The following PDE10A variants were observed in gnomAD, a reference collection of about 807,000 sequenced individuals.
PDE10A encodes the protein cAMP and cAMP-inhibited cGMP 3',5'-cyclic phosphodiesterase 10A.
PDE10A carries 39 observed loss-of-function variants against 97.7 expected under a neutral mutation model. That is an observed-to-expected ratio of 0.40 (90% confidence interval 0.31 to 0.52). The LOEUF (loss-of-function observed/expected upper bound fraction) is 0.52. Among genes scored for constraint, PDE10A ranks in the 20% least tolerant of loss-of-function variants. The pLI, the probability that PDE10A is intolerant of heterozygous loss-of-function variation, is 0.56. For missense variants in PDE10A, 731 were observed against 1,047.8 expected, an observed-to-expected ratio of 0.70 and a Z score of 4.17; for synonymous variants, 371 against 376.8, an observed-to-expected ratio of 0.98 and a Z score of 0.18.
At chr6:165,731,506 C>G (rs1312465938) in intron 1 of PDE10A, among the ~76,000 whole-genome samples, 3 of 152,180 alleles carry the variant, frequency 2.0e-5, no homozygotes, top group Admixed American at 2.0e-4. Flanking sequence ...ACGAGAGGTG[C>G]ATCTGCGGCT....
At chr6:165,488,692 G>A (rs1264427910) in intron 2 of PDE10A, among the ~76,000 whole-genome samples, 1 of 152,054 alleles carries the variant, frequency 6.6e-6, no homozygotes, top group Non-Finnish European at 1.5e-5. Flanking sequence ...CTTGTACCCT[G>A]GGGCAAGTTC....
At chr6:165,481,357 A>G (rs2128280569) in intron 3 of PDE10A, among the ~76,000 whole-genome samples, 1 of 152,300 alleles carries the variant, frequency 6.6e-6, no homozygotes, top group Middle Eastern at 3.4e-3. Flanking sequence ...AGAGACCTCA[A>G]GAGAATCCTA....
At chr6:165,637,182 G>A (rs1295862540) in intron 1 of PDE10A, among the ~76,000 whole-genome samples, 1 of 152,162 alleles carries the variant, frequency 6.6e-6, no homozygotes. Flanking sequence ...ATGGGACCAG[G>A]ATTTGCAGCT....
At position 165,567,245 on chromosome 6, in the gene PDE10A, C is replaced by G. The variant is rs548353725; in HGVS notation, c.866-23677G>C. Among the ~76,000 whole-genome samples the G allele has an allele frequency of 1.1e-4, 17 of 152,296 alleles. No individual in the cohort carries two copies. The East Asian group carries it at 3.3e-3, about 29-fold the overall frequency. ...TTTATTTAAAGTTGGAAAAATGTCA[C>G]TATCTGTAAGAAGTCAGAAAAGTGT... On this transcript the variant is annotated intron_variant, in intron 1 of 21. Transcript: ENST00000539869.
At chr6:165,729,802 C>G (rs1026909819) in intron 1 of PDE10A, among the ~76,000 whole-genome samples, 1 of 152,064 alleles carries the variant, frequency 6.6e-6, no homozygotes, top group Non-Finnish European at 1.5e-5. Flanking sequence ...AAAATCCAAC[C>G]CAGATTATTT....
intron 1 of PDE10A, among the ~76,000 whole-genome samples, chr6:165,766,948 AC>A (rs1358769874): frequency 6.6e-6 from 1 of 152,252 alleles, no homozygotes; most frequent in African/African-American, 2.4e-5. Context: ...AGAGAGGCTA[AC>A]TACTTGAGTC....
At chr6:165,979,911 A>T (rs1373541281) in intron 1 of PDE10A, among the ~76,000 whole-genome samples, 1 of 152,242 alleles carries the variant, frequency 6.6e-6, no homozygotes. Flanking sequence ...AATAATACAC[A>T]TTTTAAAATA....
chr6:165,740,604 A>G (rs998496186), intron 1 of PDE10A, among the ~76,000 whole-genome samples: 2 of 152,150 alleles, frequency 1.3e-5, no homozygotes, highest in African/African-American at 2.4e-5. Flanking sequence ...AAGTGCTGGG[A>G]TTACAAGTGT....
At chr6:165,691,104 T>TCCCC (rs1164864284) in intron 1 of PDE10A, among the ~76,000 whole-genome samples, 9 of 30,070 alleles carry the variant, frequency 3.0e-4, no homozygotes, top group African/African-American at 1.0e-3. Context: ...TCTCTTTCTC[T>TCCCC]CTCCCCCCCC....
At chr6:165,981,706 G>A (rs372922609) in intron 1 of PDE10A, among the ~76,000 whole-genome samples, 5 of 152,152 alleles carry the variant, frequency 3.3e-5, no homozygotes, top group East Asian at 1.9e-4. Flanking sequence ...ATGTCTAAAC[G>A]ATAACCACCT....
intron 1 of PDE10A, among the ~76,000 whole-genome samples, chr6:165,931,016 C>G (rs555948168): frequency 2.0e-5 from 3 of 152,216 alleles, no homozygotes; most frequent in African/African-American, 4.8e-5. Flanking sequence ...CTGTTAGGAA[C>G]CTTCTCATGC....
At chr6:165,463,123 T>C (rs1393549356) in intron 3 of PDE10A, among the ~76,000 whole-genome samples, 1 of 152,194 alleles carries the variant, frequency 6.6e-6, no homozygotes, top group East Asian at 1.9e-4. Context: ...CCTCTCAGTC[T>C]GCGAGCCACA....
chr6:165,898,825 G>A (rs546034693), intron 1 of PDE10A, among the ~76,000 whole-genome samples: 3 of 152,210 alleles, frequency 2.0e-5, no homozygotes, highest in East Asian at 1.9e-4. Context: ...CCATCCCAGC[G>A]CACTGCCTTC....
intron 1 of PDE10A, among the ~76,000 whole-genome samples, chr6:165,744,582 A>C (rs908059484): frequency 1.0e-3 from 155 of 152,090 alleles, no homozygotes; most frequent in African/African-American, 3.3e-3. Context: ...TTTTTTTCAT[A>C]AATTTGAAGG....
chr6:165,473,917 T>C (rs1323925640), intron 3 of PDE10A, among the ~76,000 whole-genome samples: 2 of 152,228 alleles, frequency 1.3e-5, no homozygotes, highest in African/African-American at 4.8e-5. Context: ...TCAGGTACTC[T>C]TAATTTTCAA....
At chr6:165,623,516 A>AAT (rs398003305) in intron 1 of PDE10A, among the ~76,000 whole-genome samples, 5 of 152,060 alleles carry the variant, frequency 3.3e-5, no homozygotes, top group African/African-American at 1.2e-4. Context: ...GAGAAAAAAA[A>AAT]CAGATAAACC....
At chr6:165,403,974 T>C (rs145549593) in intron 13 of PDE10A, among the ~76,000 whole-genome samples, 1 of 152,304 alleles carries the variant, frequency 6.6e-6, no homozygotes, top group African/African-American at 2.4e-5. Flanking sequence ...AAAAATACAG[T>C]TGGATAAAAG....
intron 1 of PDE10A, among the ~76,000 whole-genome samples, chr6:165,842,660 A>G (rs1351558231): frequency 6.6e-6 from 1 of 152,232 alleles, no homozygotes; most frequent in African/African-American, 2.4e-5. Flanking sequence ...TTGTGGGCCA[A>G]GGACGGTCAT....
At position 165,928,403 on chromosome 6, in the gene PDE10A, T is replaced by A. The variant is rs1783014111; in HGVS notation, c.-615+59126A>T. Among the ~76,000 whole-genome samples the A allele has an allele frequency of 2.0e-5, 3 of 152,222 alleles. No individual in the cohort carries two copies. In the South Asian group the frequency reaches 6.2e-4, roughly 32 times the overall value. ...AGTCTTACGTGGTTTCTGCACAACC[T>A]GCTGGACCCACTCCAGGATCCAGGG... is the stretch of plus-strand genomic sequence containing the variant. On this transcript the variant is annotated intron_variant, in intron 1 of 19. Transcript: ENST00000366882.
Sources: allele counts gnomAD v4.1 joint callset (sites outside exome capture counted in the v4.1 genomes callset), GRCh38; gene constraint gnomAD v4.1.1; transcripts MANE v1.5; gene names NCBI Gene and HGNC (gene_info 2026-07-23, HGNC 2026-07-21).